The following TTC39C variants were observed in gnomAD, a reference collection of about 807,000 sequenced individuals.
TTC39C encodes the protein tetratricopeptide repeat protein 39C.
A neutral mutation model predicts 76.3 loss-of-function variants in TTC39C; 33 were observed. That is an observed-to-expected ratio of 0.43 (90% CI 0.33 to 0.58). The LOEUF (loss-of-function observed/expected upper bound fraction) is 0.58. TTC39C is among the 20% of genes least tolerant of loss of function. TTC39C has a pLI of 0.04. For synonymous variants in TTC39C, 254 were observed against 260.6 expected (o/e 0.97, Z 0.24); for missense variants, 595 against 701.4 (o/e 0.85, Z 1.71).
chr18:24,132,274 A>G (rs891488561), intron 13 of TTC39C, among the ~76,000 whole-genome samples: 1 of 152,228 alleles, frequency 6.6e-6, no homozygotes, highest in African/African-American at 2.4e-5. Context: ...AAATTGTCCA[A>G]AGAGAACCTT....
chr18:24,060,514 G>T (rs2084084955), intron 1 of TTC39C, among the ~76,000 whole-genome samples: 1 of 151,868 alleles, frequency 6.6e-6, no homozygotes, highest in Admixed American at 6.6e-5. Context: ...CACCATGTTA[G>T]CCAGGCTGGT....
intron 1 of TTC39C, among the ~76,000 whole-genome samples, chr18:24,034,729 G>A (rs1036290967): frequency 9.9e-5 from 15 of 152,208 alleles, no homozygotes; most frequent in Non-Finnish European, 1.6e-4. Context: ...GAATCATACA[G>A]TATTTATCTT....
At chr18:24,001,970 C>T (rs62087927) in intron 1 of TTC39C, among the ~76,000 whole-genome samples, 87,422 of 150,874 alleles carry the variant, frequency 0.58, 27,886 homozygotes, top group Non-Finnish European at 0.74. Flanking sequence ...GGACTACAGG[C>T]GCCCGCCACC....
At chr18:24,015,186 C>T in intron 1 of TTC39C, 148 bp downstream of exon 1, 1 of 655,314 alleles carries the variant, frequency 1.5e-6, no homozygotes, top group Non-Finnish European at 2.3e-6. Context: ...CAAGATCAGC[C>T]AGAGGGAATG....
At chr18:24,075,714 A>C (rs529176007) in intron 4 of TTC39C, among the ~76,000 whole-genome samples, 22 of 151,158 alleles carry the variant, frequency 1.5e-4, no homozygotes, top group South Asian at 8.4e-4. Flanking sequence ...CAAAAAAAAA[A>C]CCTCTATTAT....
chr18:24,033,107 G>T (rs758350989), intron 1 of TTC39C, among the ~76,000 whole-genome samples: 3 of 152,102 alleles, frequency 2.0e-5, no homozygotes, highest in Admixed American at 1.3e-4. Context: ...ACAAAAATTC[G>T]CTGGGCCTGG....
At chr18:24,036,669 T>G (rs1265284106) in intron 1 of TTC39C, among the ~76,000 whole-genome samples, 1 of 152,356 alleles carries the variant, frequency 6.6e-6, no homozygotes, top group East Asian at 1.9e-4. Context: ...CTCACTTTGT[T>G]GCCCAGGCTG....
At chr18:24,102,073 G>A (rs1040849812) in intron 6 of TTC39C, among the ~76,000 whole-genome samples, 12 of 152,178 alleles carry the variant, frequency 7.9e-5, no homozygotes, top group East Asian at 3.9e-4. Context: ...AGGAGAAGAC[G>A]TCAGCCTTCA....
In TTC39C at chr18:24,080,979, T is replaced by C. The variant is rs1599306540; in HGVS notation, c.815+40T>C. 6 of 1,521,762 alleles carry C rather than the reference T, an allele frequency of 3.9e-6. No individual in the cohort carries two copies. The East Asian group carries it at 1.4e-4, about 34-fold the overall frequency. 94.3% of individuals were successfully genotyped at this position (1,521,762 alleles called of 1,614,324 possible). A position where few individuals can be genotyped will look rare whatever the true frequency, so the allele number is the denominator to read the frequency against. On this transcript the variant is annotated intron_variant, in intron 5 of 13. Coordinates refer to ENST00000317571, the MANE Select transcript of TTC39C (RefSeq NM_001135993.2). ...TGCAATGCTTTGGTAGATAATATAG[T>C]GTTGAAAGTAAGTAAACGACAATCA...
At chr18:24,129,368 CTG>C (rs570758989) in intron 11 of TTC39C, among the ~76,000 whole-genome samples, 1 of 152,148 alleles carries the variant, frequency 6.6e-6, no homozygotes, top group East Asian at 1.9e-4. Flanking sequence ...CTCTTTATAA[CTG>C]TGGATTATTG....
At chr18:24,093,186 T>G (rs981587119) in intron 6 of TTC39C, among the ~76,000 whole-genome samples, 2 of 152,170 alleles carry the variant, frequency 1.3e-5, no homozygotes, top group Admixed American at 6.5e-5. Context: ...AAAGATGTTT[T>G]ATAAAAGTAT....
At position 24,085,504 on chromosome 18, in the gene TTC39C, C is replaced by T. The variant is rs141340280; in HGVS notation, c.984+2423C>T. On this transcript the variant is annotated intron_variant, in intron 6 of 13. Transcript: ENST00000317571. Reference sequence around the variant, plus strand: ...TTTTAGTTTGTGCCACGACTAATTCCTATAGAGGATTGAGTGAATACTAAA... The same window carrying T: ...TTTTAGTTTGTGCCACGACTAATTCTTATAGAGGATTGAGTGAATACTAAA... Among the ~76,000 whole-genome samples, 110 of 152,254 alleles carry T rather than the reference C, an allele frequency of 7.2e-4. 1 individual carries two copies. Among genetic ancestry groups the T allele is most frequent in the African/African-American group, 2.4e-3 (101 of 41,542 alleles).
At chr18:24,015,617 C>G (rs2083445570) in intron 1 of TTC39C, among the ~76,000 whole-genome samples, 1 of 152,256 alleles carries the variant, frequency 6.6e-6, no homozygotes, top group African/African-American at 2.4e-5. Flanking sequence ...CCACTCATCT[C>G]TCTGCCTTGT....
intron 4 of TTC39C, among the ~76,000 whole-genome samples, chr18:24,072,877 A>G (rs1052273567): frequency 5.9e-5 from 9 of 152,202 alleles, no homozygotes; most frequent in African/African-American, 1.7e-4. Context: ...TCTTGGCAAC[A>G]TATATACTCT....
intron 3 of TTC39C, among the ~76,000 whole-genome samples, chr18:24,068,863 T>A (rs966717549): frequency 2.0e-5 from 3 of 152,234 alleles, no homozygotes; most frequent in Admixed American, 6.5e-5. Context: ...TGTTTGTTTT[T>A]AAAAAAGGTG....
intron 1 of TTC39C, among the ~76,000 whole-genome samples, chr18:23,997,551 CAAAAAAAAAAAAAA>C (rs71163650): frequency 1.9e-5 from 1 of 52,168 alleles, no homozygotes; most frequent in South Asian, 1.1e-3. Flanking sequence ...GTCTCTGTCT[CAAAAAAAAAAAAAA>C]AAAAAAAAAA....
intron 1 of TTC39C, among the ~76,000 whole-genome samples, chr18:24,026,340 A>G (rs1364562949): frequency 1.3e-5 from 2 of 152,214 alleles, no homozygotes; most frequent in African/African-American, 4.8e-5. Flanking sequence ...AAATTTAGTT[A>G]AATAGCAAAG....
Position 24,014,776 on chromosome 18 carries a change from T to TGGCTCCGGGCAGGTAGAGCCG in TTC39C, c.-85_-65dup, listed in dbSNP as rs1430896498. The TGGCTCCGGGCAGGTAGAGCCG allele has an allele frequency of 1.7e-6, 2 of 1,162,960 alleles. No individual in the cohort carries two copies. The highest frequency in any genetic ancestry group is 4.7e-5 in the Admixed American group (1 of 21,196). 72.0% of individuals were successfully genotyped at this position (1,162,960 alleles called of 1,614,324 possible). A position where few individuals can be genotyped will look rare whatever the true frequency, so the allele number is the denominator to read the frequency against. On this transcript the variant is annotated 5_prime_UTR_variant, in exon 1 of 14. Transcript: ENST00000317571. ...CCTCCCCTCCCCTCCCGGCTCCGCT[T>TGGCTCCGGGCAGGTAGAGCCG]GGCTCCGGGCAGGTAGAGCCGGGCT...
In TTC39C at chr18:24,132,589, C is replaced by G; in HGVS notation, c.*15C>G. 6.2e-7 allele frequency: 1 copy of G among 1,604,602 alleles called. No homozygotes were observed. Among genetic ancestry groups the G allele is most frequent in the Non-Finnish European group, 8.5e-7 (1 of 1,173,568 alleles). Reference sequence around the variant, plus strand: ...TTCCTCAGTGACAGACCCGGAACACCCGCTCCGTCCCTCCCCACCCAGGGT... The same window carrying G: ...TTCCTCAGTGACAGACCCGGAACACGCGCTCCGTCCCTCCCCACCCAGGGT... On this transcript the variant is annotated 3_prime_UTR_variant, in exon 14 of 14. Coordinates refer to ENST00000317571, the MANE Select transcript of TTC39C (RefSeq NM_001135993.2).
Sources: gnomAD v4.1 joint callset for allele counts (sites outside exome capture counted in the v4.1 genomes callset) on GRCh38, gnomAD v4.1.1 for gene constraint, MANE v1.5 for transcripts, NCBI Gene and HGNC (gene_info 2026-07-23, HGNC 2026-07-21) for gene names.